The following FMN1 variants were observed in gnomAD, a reference collection of about 807,000 sequenced individuals.
FMN1 encodes the protein formin 1.
In FMN1, 110 loss-of-function variants were observed where a neutral mutation model predicts 132.4. That is an observed-to-expected ratio of 0.83 (90% CI 0.71 to 0.97). The LOEUF (loss-of-function observed/expected upper bound fraction) is 0.97. Among genes scored for constraint, FMN1 ranks in the 50% least tolerant of loss-of-function variants. The probability of loss-of-function intolerance (pLI) is 0.00; values close to 1 mark genes in which losing one functional copy is unlikely to be tolerated. For synonymous variants in FMN1, 722 were observed against 651.7 expected, an observed-to-expected ratio of 1.11 and a Z score of -1.64; for missense variants, 1,792 against 1,705.3, an observed-to-expected ratio of 1.05 and a Z score of -0.90.
chr15:33,138,489 C>A (rs1321523192), intron 4 of FMN1, among the ~76,000 whole-genome samples: 1 of 152,142 alleles, frequency 6.6e-6, no homozygotes, highest in African/African-American at 2.4e-5. Flanking sequence ...ACGTTCCCAG[C>A]GAGATACTGC....
chr15:33,038,150 T>C (rs2036269664), intron 6 of FMN1, among the ~76,000 whole-genome samples: 1 of 152,122 alleles, frequency 6.6e-6, no homozygotes, highest in African/African-American at 2.4e-5. Flanking sequence ...ATCGCTTCTA[T>C]CCAGGAGGAA....
intron 17 of FMN1, among the ~76,000 whole-genome samples, chr15:32,816,110 A>G (rs1448338973): frequency 6.6e-6 from 1 of 152,218 alleles, no homozygotes; most frequent in Non-Finnish European, 1.5e-5. Context: ...TAATCCAGTG[A>G]CATTTGCTTG....
chr15:33,185,524 A>C (rs1323417940), intron 2 of FMN1, among the ~76,000 whole-genome samples: 1 of 145,900 alleles, frequency 6.9e-6, no homozygotes, highest in East Asian at 2.0e-4. Flanking sequence ...GAGAAGTCTT[A>C]TTTCAATGAA....
intron 17 of FMN1, 22 bp downstream of exon 17, chr15:32,856,993 T>G: frequency 6.5e-7 from 1 of 1,544,864 alleles, no homozygotes; most frequent in Non-Finnish European, 9.0e-7. Flanking sequence ...CACGTGTATG[T>G]GCGGCTGACA....
rs536643656 is a variant in FMN1 at position 33,007,873 on chromosome 15, A to G, written c.2223+141T>C. On this transcript the variant is annotated intron_variant, in intron 7 of 20. Coordinates refer to ENST00000616417, the MANE Select transcript of FMN1 (RefSeq NM_001277313.2). ...ATCCAAGACTTTTCATTCCCTGTAT[A>G]GACACAGTGCCTACTGGCAGCTGCA... The G allele has an allele frequency of 4.9e-6, 3 of 607,176 alleles. No homozygotes were observed. In the African/African-American group the frequency reaches 5.5e-5, roughly 11 times the overall value. 37.6% of individuals were successfully genotyped at this position (607,176 alleles called of 1,614,324 possible). A position where few individuals can be genotyped will look rare whatever the true frequency, so the allele number is the denominator to read the frequency against.
intron 7 of FMN1, among the ~76,000 whole-genome samples, chr15:32,973,065 C>T (rs908240467): frequency 6.6e-6 from 1 of 152,170 alleles, no homozygotes; most frequent in Non-Finnish European, 1.5e-5. Flanking sequence ...TGGACAAAGG[C>T]AATGAGCATT....
chr15:32,896,312 CTAAT>C (rs537593823), intron 15 of FMN1, among the ~76,000 whole-genome samples: 222 of 151,794 alleles, frequency 1.5e-3, no homozygotes, highest in African/African-American at 5.1e-3. Context: ...AAATTTTTGT[CTAAT>C]TATTTTTATA....
chr15:33,077,570 T>C lies in FMN1; in HGVS notation c.2043+11229A>G, dbSNP rs1403324068. 2.6e-5 allele frequency among the ~76,000 whole-genome samples: 4 copies of C among 151,788 alleles called. No homozygotes were observed. The East Asian group carries it at 5.8e-4, about 22-fold the overall frequency. The stretch of plus-strand genomic sequence containing the variant: ...TGATGTTCCCCTTCCTATGTCCATG[T>C]GTTCTCACTGTTCAATTCCCATCCA... On this transcript the variant is annotated intron_variant, in intron 5 of 20. Transcript: ENST00000616417.
intron 16 of FMN1, among the ~76,000 whole-genome samples, chr15:32,871,599 G>A (rs2141376229): frequency 6.6e-6 from 1 of 152,144 alleles, no homozygotes; most frequent in Non-Finnish European, 1.5e-5. Context: ...TAGGTTGAGG[G>A]TCATTTCTTT....
chr15:33,078,466 T>C (rs1016861176), intron 5 of FMN1, among the ~76,000 whole-genome samples: 1 of 152,230 alleles, frequency 6.6e-6, no homozygotes, highest in Admixed American at 6.5e-5. Flanking sequence ...TGAAATATTC[T>C]GAAGAAATGC....
Position 33,023,076 on chromosome 15 carries a change from AAG to A in FMN1, c.2162-15003_2162-15002del, listed in dbSNP as rs1555383586. ...CCCCCACCCAAAAAAAAAAAAAAAAAAGAAAAAAAAGACCAAACCTCAAATCC... is the reference window on the plus strand; with the variant it reads ...CCCCCACCCAAAAAAAAAAAAAAAAAAAAAAAAAGACCAAACCTCAAATCC... On this transcript the variant is annotated intron_variant, in intron 6 of 20. Transcript: ENST00000616417. Among the ~76,000 whole-genome samples the A allele has an allele frequency of 4.1e-3, 478 of 116,262 alleles. 4 individuals are homozygous for A. Among genetic ancestry groups the A allele is most frequent in the African/African-American group, 6.9e-3 (210 of 30,486 alleles). 76.3% of individuals were successfully genotyped at this position (116,262 alleles called of 152,430 possible). A position where few individuals can be genotyped will look rare whatever the true frequency, so the allele number is the denominator to read the frequency against.
rs575878953 is a variant in FMN1 at position 32,928,911 on chromosome 15, A to G, written c.3139-2650T>C. On this transcript the variant is annotated intron_variant, in intron 9 of 20. Transcript: ENST00000616417. Reference sequence around the variant, plus strand: ...ATTAAAAGAAAGCAGGAGAGAAATCACGAGAGAGTAAAAGAGCAAGAAAGA... The same window carrying G: ...ATTAAAAGAAAGCAGGAGAGAAATCGCGAGAGAGTAAAAGAGCAAGAAAGA... Among the ~76,000 whole-genome samples, 5 of 152,366 alleles carry G rather than the reference A, an allele frequency of 3.3e-5. No individual in the cohort carries two copies. The East Asian group carries it at 9.6e-4, about 29-fold the overall frequency.
intron 19 of FMN1, among the ~76,000 whole-genome samples, chr15:32,781,591 T>C (rs1020609650): frequency 1.3e-5 from 2 of 152,230 alleles, no homozygotes; most frequent in Non-Finnish European, 1.5e-5. Context: ...TGCCAATTCC[T>C]GGACTGTATC....
intron 6 of FMN1, among the ~76,000 whole-genome samples, chr15:33,051,324 C>T (rs559487806): frequency 6.6e-6 from 1 of 152,092 alleles, no homozygotes; most frequent in South Asian, 2.1e-4. Flanking sequence ...GAAATGGGGG[C>T]CACATTAAAA....
chr15:33,047,638 G>T (rs1307574488), intron 6 of FMN1, among the ~76,000 whole-genome samples: 1 of 152,140 alleles, frequency 6.6e-6, no homozygotes, highest in Non-Finnish European at 1.5e-5. Flanking sequence ...TTTGCATGGT[G>T]TTAGCTGATG....
At chr15:32,810,549 G>A (rs1026080945) in intron 17 of FMN1, among the ~76,000 whole-genome samples, 1 of 152,118 alleles carries the variant, frequency 6.6e-6, no homozygotes, top group African/African-American at 2.4e-5. Context: ...TTGAAAAAGA[G>A]AAAGTTTTTA....
intron 15 of FMN1, among the ~76,000 whole-genome samples, chr15:32,891,870 T>C (rs1176281012): frequency 6.6e-6 from 1 of 152,172 alleles, no homozygotes; most frequent in Non-Finnish European, 1.5e-5. Context: ...TCACTGTCGG[T>C]GTACAGAAGA....
At chr15:32,823,969 G>C (rs1201565843) in intron 17 of FMN1, among the ~76,000 whole-genome samples, 1 of 152,198 alleles carries the variant, frequency 6.6e-6, no homozygotes, top group Non-Finnish European at 1.5e-5. Flanking sequence ...GTGTGCCCCT[G>C]CCAAAAGCCA....
At position 32,766,530 on chromosome 15, in the gene FMN1, A is replaced by ACC. The variant is rs55859863; in HGVS notation, c.*7778_*7779dup. 3 of 122,932 alleles carry ACC rather than the reference A, an allele frequency of 2.4e-5. No individual in the cohort carries two copies. Among genetic ancestry groups the ACC allele is most frequent in the African/African-American group, 9.2e-5 (3 of 32,486 alleles). 7.6% of individuals were successfully genotyped at this position (122,932 alleles called of 1,614,324 possible). Reference sequence around the variant, plus strand: ...GAAATTGAGAAGGCCTAGAATAAGAACCCCCCCCCCACCCCGCCCAATCTT... The same window carrying ACC: ...GAAATTGAGAAGGCCTAGAATAAGAACCCCCCCCCCCCACCCCGCCCAATCTT... On this transcript the variant is annotated 3_prime_UTR_variant, in exon 21 of 21. Coordinates refer to ENST00000616417, the MANE Select transcript of FMN1 (RefSeq NM_001277313.2).
Sources: allele counts gnomAD v4.1 joint callset (sites outside exome capture counted in the v4.1 genomes callset), GRCh38; gene constraint gnomAD v4.1.1; transcripts MANE v1.5; gene names NCBI Gene and HGNC (gene_info 2026-07-23, HGNC 2026-07-21).